The following KALRN variants were observed in gnomAD, a reference collection of about 807,000 sequenced individuals.
KALRN encodes kalirin RhoGEF kinase.
Under a neutral mutation model 353.7 loss-of-function variants are expected in KALRN, and 70 were observed. The observed-to-expected ratio is 0.20, with a 90% CI of 0.16 to 0.24. The LOEUF (loss-of-function observed/expected upper bound fraction) is 0.24. KALRN is among the 10% of genes least tolerant of loss of function. KALRN has a pLI of 1.00. For missense variants in KALRN, 2,791 were observed against 3,756.7 expected (o/e 0.74, Z 6.72); for synonymous variants, 1,391 against 1,434.8 (o/e 0.97, Z 0.69).
At chr3:124,548,922 G>A (rs1398123044) in intron 33 of KALRN, among the ~76,000 whole-genome samples, 1 of 152,128 alleles carries the variant, frequency 6.6e-6, no homozygotes, top group Non-Finnish European at 1.5e-5. Flanking sequence ...CCAAAGTGCT[G>A]GGATTATAGG....
At chr3:124,654,802 C>T (rs1035320059) in intron 38 of KALRN, among the ~76,000 whole-genome samples, 1 of 152,080 alleles carries the variant, frequency 6.6e-6, no homozygotes, top group Non-Finnish European at 1.5e-5. Flanking sequence ...CTTTCTGTCT[C>T]TGCATTTTCA....
At chr3:124,397,675 C>G (rs2090331106) in intron 12 of KALRN, among the ~76,000 whole-genome samples, 1 of 152,200 alleles carries the variant, frequency 6.6e-6, no homozygotes, top group African/African-American at 2.4e-5. Context: ...CTAAGCAAAT[C>G]AATCTGTTTA....
chr3:124,124,891 G>A lies in KALRN; in HGVS notation c.73+91078G>A, dbSNP rs557990482. Reference sequence around the variant, plus strand: ...TGTGAACATAACTTTATATGTACTCGGAAAACAAAAAATTCATGTGACTCA... The same window carrying A: ...TGTGAACATAACTTTATATGTACTCAGAAAACAAAAAATTCATGTGACTCA... On this transcript the variant is annotated intron_variant, in intron 1 of 59. Coordinates refer to ENST00000682506, the MANE Select transcript of KALRN (RefSeq NM_001388419.1). Among the ~76,000 whole-genome samples the A allele has an allele frequency of 2.6e-5, 4 of 152,214 alleles. No individual in the cohort carries two copies. In the South Asian group the frequency reaches 8.3e-4, roughly 32 times the overall value.
chr3:124,124,549 A>G (rs528050247), intron 1 of KALRN, among the ~76,000 whole-genome samples: 7 of 152,370 alleles, frequency 4.6e-5, no homozygotes, highest in South Asian at 4.1e-4. Context: ...AAGAATTTCT[A>G]CTGTGGGAAA....
chr3:124,491,282 C>T (rs779901279), intron 30 of KALRN, 41 bp from the exon 31 acceptor site: 1 of 1,434,582 alleles, frequency 7.0e-7, no homozygotes, highest in Admixed American at 2.1e-5. Context: ...TCCCCACTGC[C>T]CTCCCCTTCC....
intron 13 of KALRN, among the ~76,000 whole-genome samples, chr3:124,405,182 A>T (rs2091375515): frequency 6.6e-6 from 1 of 152,158 alleles, no homozygotes; most frequent in African/African-American, 2.4e-5. Flanking sequence ...TTTCCCTACT[A>T]TCGTCCTTTT....
chr3:124,427,056 T>C (rs1576834853), intron 15 of KALRN, among the ~76,000 whole-genome samples: 1 of 152,216 alleles, frequency 6.6e-6, no homozygotes, highest in Non-Finnish European at 1.5e-5. Flanking sequence ...ATAATCAAGA[T>C]GGACATTTAG....
At chr3:124,231,714 T>A (rs563231882) in intron 2 of KALRN, among the ~76,000 whole-genome samples, 19 of 151,970 alleles carry the variant, frequency 1.3e-4, no homozygotes, top group East Asian at 7.7e-4. Flanking sequence ...GAACTTTATT[T>A]TTTTTTTTTA....
rs71142775 is a variant in KALRN at position 124,152,547 on chromosome 3, T to TTTTTCTTTTCTTTTC, written c.74-75424_74-75410dup. ...TACAGTGCTTTTCTTTTTCTTTTTC[T>TTTTTCTTTTCTTTTC]TTTTCTTTTCTTTTCTTTTCTTTTC... On this transcript the variant is annotated intron_variant, in intron 1 of 59. Coordinates refer to ENST00000682506, the MANE Select transcript of KALRN (RefSeq NM_001388419.1). The TTTTTCTTTTCTTTTC allele has an allele frequency of 6.7e-5, 29 of 435,840 alleles. No homozygotes were observed. The African/African-American group carries it at 7.1e-4, about 11-fold the overall frequency. 27.0% of individuals were successfully genotyped at this position (435,840 alleles called of 1,614,324 possible).
chr3:124,416,792 A>G (rs2092527296), intron 14 of KALRN, among the ~76,000 whole-genome samples: 1 of 152,262 alleles, frequency 6.6e-6, no homozygotes, highest in African/African-American at 2.4e-5. Context: ...GGGGATTTAT[A>G]GTCTTTGTTT....
chr3:124,357,554 A>G (rs1041886068), intron 10 of KALRN, among the ~76,000 whole-genome samples: 7 of 152,124 alleles, frequency 4.6e-5, no homozygotes, highest in Non-Finnish European at 1.0e-4. Flanking sequence ...CCATGCTCTC[A>G]AGTCTCAATG....
At chr3:124,591,264 T>A (rs891646293) in intron 34 of KALRN, among the ~76,000 whole-genome samples, 1 of 152,232 alleles carries the variant, frequency 6.6e-6, no homozygotes, top group Non-Finnish European at 1.5e-5. Context: ...TGGTTCAACT[T>A]AATTCAGGTC....
intron 17 of KALRN, 140 bp downstream of exon 17, chr3:124,434,665 A>G: frequency 1.4e-6 from 1 of 722,544 alleles, no homozygotes; most frequent in Non-Finnish European, 2.3e-6. Flanking sequence ...GTTTGTGGAA[A>G]CACCACAGTT....
At chr3:124,312,841 A>C (rs771757998) in intron 6 of KALRN, among the ~76,000 whole-genome samples, 13 of 152,192 alleles carry the variant, frequency 8.5e-5, no homozygotes, top group Non-Finnish European at 1.8e-4. Context: ...TAGAGTATAA[A>C]CTCCTAAAGG....
intron 37 of KALRN, among the ~76,000 whole-genome samples, chr3:124,649,226 A>G (rs771001722): frequency 1.1e-4 from 17 of 152,120 alleles, no homozygotes; most frequent in Non-Finnish European, 1.6e-4. Flanking sequence ...GAACCTCATT[A>G]GTTTTTGATT....
At chr3:124,479,716 ATTTTTTT>A (rs142639039) in intron 27 of KALRN, among the ~76,000 whole-genome samples, 1 of 86,808 alleles carries the variant, frequency 1.2e-5, no homozygotes, top group Admixed American at 1.3e-4. Flanking sequence ...ACGATCCAGA[ATTTTTTT>A]TTTTTTTTTT....
At chr3:124,540,378 A>C (rs540349446) in intron 33 of KALRN, among the ~76,000 whole-genome samples, 29 of 152,322 alleles carry the variant, frequency 1.9e-4, no homozygotes, top group African/African-American at 6.7e-4. Context: ...TTTATGGAGC[A>C]GTTCTCATTT....
At chr3:124,261,055 T>A (rs1185526345) in intron 3 of KALRN, among the ~76,000 whole-genome samples, 1 of 151,186 alleles carries the variant, frequency 6.6e-6, no homozygotes, top group Non-Finnish European at 1.5e-5. Context: ...TCTTTTTTTT[T>A]TTTTTGTATT....
rs149288705 is a variant in KALRN at position 124,555,135 on chromosome 3, G to A, written c.4936-7708G>A. ...TCTGGTGCTTCCACTCCCTGGGGCT[G>A]TCTGAGGGTTGAGCAGAGATAACTG... On this transcript the variant is annotated intron_variant, in intron 33 of 59. Coordinates refer to ENST00000682506, the MANE Select transcript of KALRN (RefSeq NM_001388419.1). 4.8e-4 allele frequency among the ~76,000 whole-genome samples: 73 copies of A among 152,252 alleles called. No individual in the cohort carries two copies. In the East Asian group the frequency reaches 0.013, roughly 27 times the overall value.
Sources: gnomAD v4.1 joint callset for allele counts (sites outside exome capture counted in the v4.1 genomes callset) on GRCh38, gnomAD v4.1.1 for gene constraint, MANE v1.5 for transcripts, NCBI Gene and HGNC (gene_info 2026-07-23, HGNC 2026-07-21) for gene names.